Variants in DIO2 observed in about 807,000 individuals in gnomAD.
DIO2 encodes the protein iodothyronine deiodinase 2, also known as type II iodothyronine deiodinase.
In DIO2, 19 loss-of-function variants were observed where a neutral mutation model predicts 21.4. That is an observed-to-expected ratio of 0.89 (90% CI 0.62 to 1.30). The LOEUF is 1.30. Among genes scored for constraint, DIO2 ranks in the 50% most tolerant of loss-of-function variants. The probability of loss-of-function intolerance (pLI) is 0.00; values close to 1 mark genes in which losing one functional copy is unlikely to be tolerated. For synonymous variants in DIO2, 122 were observed against 132.9 expected (o/e 0.92, Z 0.57); for missense variants, 302 against 338.1 (o/e 0.89, Z 0.84).
intron 2 of DIO2, chr14:80,231,036 T>A (rs1888676329): frequency 6.6e-6 from 1 of 152,204 alleles, no homozygotes; most frequent in Admixed American, 6.6e-5. Context: ...AGATGTAGGC[T>A]GGGAGGCTAG....
intron 2 of DIO2, among the ~76,000 whole-genome samples, chr14:80,219,016 T>C (rs1274241500): frequency 6.6e-6 from 1 of 152,140 alleles, no homozygotes; most frequent in African/African-American, 2.4e-5. Flanking sequence ...CTGCCAATAC[T>C]TTGGGTACTA....
intron 1 of DIO2, among the ~76,000 whole-genome samples, chr14:80,204,286 G>A (rs1887865352): frequency 6.6e-6 from 1 of 152,032 alleles, no homozygotes; most frequent in Non-Finnish European, 1.5e-5. Context: ...TTTTCCATGT[G>A]TGCTTGTTTC....
At position 80,202,827 on chromosome 14, in the gene DIO2, T is replaced by G. The variant is rs1360540128; in HGVS notation, c.684A>C (p.Glu228Asp). 1 of 1,613,866 alleles carries G rather than the reference T, an allele frequency of 6.2e-7. No individual in the cohort carries two copies. The highest frequency in any genetic ancestry group is 2.2e-5 in the East Asian group (1 of 44,868). ...TCTGTCTCTGCACAATGCACACACG[T>G]TCAAAGGCTACCCCGTAAGCTATGT... is the stretch of plus-strand genomic sequence containing the variant. ...NANIAYGVAF[E>D]RVCIVQRQKI... Residue 228 changes from glutamate (E) to aspartate (D), a missense_variant, in exon 2 of 2, where the codon GAA becomes GAC. Glu to Asp is a conservative substitution (Grantham distance 45, BLOSUM62 2). Coordinates refer to ENST00000438257, the MANE Select transcript of DIO2 (RefSeq NM_013989.5).
rs1274031068 is a variant in DIO2, at chr14:80,201,162, A to G, written c.*1527T>C. 1 of 150,988 alleles carries G rather than the reference A, an allele frequency of 6.6e-6. No individual in the cohort carries two copies. The highest frequency in any genetic ancestry group is 2.4e-5 in the African/African-American group (1 of 41,266). The allele number at this position is 150,988 out of a possible 1,614,324, so 9.4% of individuals were successfully genotyped here. A position where few individuals can be genotyped will look rare whatever the true frequency, so the allele number is the denominator to read the frequency against. Reference sequence around the variant, plus strand: ...AAAAAGAAAAAAATATTTTATATATATATTTTTTAAAATAGCATTATAATC... The same window carrying G: ...AAAAAGAAAAAAATATTTTATATATGTATTTTTTAAAATAGCATTATAATC... On this transcript the variant is annotated 3_prime_UTR_variant, in exon 2 of 2. Coordinates refer to ENST00000438257, the MANE Select transcript of DIO2 (RefSeq NM_013989.5).
chr14:80,207,520 G>T (rs1293312481), intron 1 of DIO2, among the ~76,000 whole-genome samples: 5 of 152,204 alleles, frequency 3.3e-5, no homozygotes, highest in South Asian at 2.1e-4. Flanking sequence ...AAGGGTGGGT[G>T]TGTGGTAGCA....
rs377114990 is a variant in DIO2 at position 80,206,307 on chromosome 14, T to C, written c.223-3019A>G. On this transcript the variant is annotated intron_variant, in intron 1 of 1. Transcript: ENST00000438257. The stretch of plus-strand genomic sequence containing the variant: ...ATATACTAGTCATAAAATGTGTCCA[T>C]CTTTGCTAAAACCTGATGGAGGACA... The C allele has an allele frequency of 7.6e-5, 120 of 1,569,248 alleles. No homozygotes were observed. In the Middle Eastern group the frequency reaches 9.1e-4, roughly 12 times the overall value.
At chr14:80,222,860 C>CTT (rs200049777) in intron 2 of DIO2, among the ~76,000 whole-genome samples, 20,680 of 138,718 alleles carry the variant, frequency 0.15, 2,008 homozygotes, top group East Asian at 0.3. Flanking sequence ...TTCTTTGTTT[C>CTT]TTTTTTTTTT....
At position 80,198,165 on chromosome 14, in the gene DIO2, G is replaced by A. The variant is rs1024061557; in HGVS notation, c.*4524C>T. The A allele has an allele frequency of 1.3e-5, 2 of 152,620 alleles. No homozygotes were observed. Among genetic ancestry groups the A allele is most frequent in the African/African-American group, 4.8e-5 (2 of 41,422 alleles). 9.5% of individuals were successfully genotyped at this position (152,620 alleles called of 1,614,324 possible). On this transcript the variant is annotated 3_prime_UTR_variant, in exon 2 of 2. Coordinates refer to ENST00000438257, the MANE Select transcript of DIO2 (RefSeq NM_013989.5). ...TTGAGGGGAGGGGGAGAAGTGGAGG[G>A]TTTGAGCCAAAATAGTGACTTCATT...
Position 80,202,677 on chromosome 14 carries a change from A to G in DIO2, c.*12T>C, listed in dbSNP as rs184541438. 4.3e-5 allele frequency: 68 copies of G among 1,598,298 alleles called. 1 individual carries two copies. In the Admixed American group the frequency reaches 9.1e-4, roughly 21 times the overall value. Reference sequence around the variant, plus strand: ...ACTTTTTAAAACAATAAGCTCTCTTATAATCATACCTTTAACCAGCTAATC... The same window carrying G: ...ACTTTTTAAAACAATAAGCTCTCTTGTAATCATACCTTTAACCAGCTAATC... On this transcript the variant is annotated 3_prime_UTR_variant, in exon 2 of 2. Transcript: ENST00000438257.
In DIO2 at chr14:80,202,586, T is replaced by C. The variant is rs1200607106; in HGVS notation, c.*103A>G. On this transcript the variant is annotated 3_prime_UTR_variant, in exon 2 of 2. Transcript: ENST00000438257. ...TTCTTCCGATAGATAAACTCCTGTCTTTCAGTAAGCCAATAGGGCTCTGTT... is the reference window on the plus strand; with the variant it reads ...TTCTTCCGATAGATAAACTCCTGTCCTTCAGTAAGCCAATAGGGCTCTGTT... 6.5e-6 allele frequency: 8 copies of C among 1,225,724 alleles called. No individual in the cohort carries two copies. The East Asian group carries it at 2.0e-4, about 31-fold the overall frequency. The allele number at this position is 1,225,724 out of a possible 1,614,324, so 75.9% of individuals were successfully genotyped here.
At chr14:80,224,705 G>C (rs907828455) in intron 2 of DIO2, among the ~76,000 whole-genome samples, 6 of 152,066 alleles carry the variant, frequency 3.9e-5, no homozygotes, top group Admixed American at 2.6e-4. Context: ...AACTCATACA[G>C]GCTGCAATTT....
rs562293900 is a variant in DIO2 at position 80,205,416 on chromosome 14, T to C, written c.223-2128A>G. The stretch of plus-strand genomic sequence containing the variant: ...AACCTGTACACTTGTAGGTTCTTGA[T>C]AGGTAAAAACATTCATCTGCATTTT... On this transcript the variant is annotated intron_variant, in intron 1 of 1. Coordinates refer to ENST00000438257, the MANE Select transcript of DIO2 (RefSeq NM_013989.5). Among the ~76,000 whole-genome samples, 5 of 152,326 alleles carry C rather than the reference T, an allele frequency of 3.3e-5. No individual in the cohort carries two copies. The South Asian group carries it at 1.0e-3, about 32-fold the overall frequency.
upstream of DIO2, chr14:80,212,300 C>T (rs535221639): frequency 1.3e-5 from 2 of 151,562 alleles, no homozygotes; most frequent in South Asian, 4.2e-4. Flanking sequence ...TTACTTTGGC[C>T]AGGATTGCAG....
At chr14:80,226,909 G>A (rs1378717653) in intron 2 of DIO2, among the ~76,000 whole-genome samples, 4 of 152,142 alleles carry the variant, frequency 2.6e-5, no homozygotes, top group Non-Finnish European at 5.9e-5. Flanking sequence ...ATCCACATAC[G>A]TCTTCCCCAC....
Position 80,201,592 on chromosome 14 carries a change from A to C in DIO2, c.*1097T>G, listed in dbSNP as rs1049603880. 2.0e-5 allele frequency: 3 copies of C among 152,258 alleles called. No homozygotes were observed. Among genetic ancestry groups the C allele is most frequent in the African/African-American group, 7.2e-5 (3 of 41,448 alleles). The allele number at this position is 152,258 out of a possible 1,614,324, so 9.4% of individuals were successfully genotyped here. ...ACCAAGATTAGGAATGACTTGGGCCACATAGAAATTGTAGGAATGGGGAGG... is the reference window on the plus strand; with the variant it reads ...ACCAAGATTAGGAATGACTTGGGCCCCATAGAAATTGTAGGAATGGGGAGG... On this transcript the variant is annotated 3_prime_UTR_variant, in exon 2 of 2. Coordinates refer to ENST00000438257, the MANE Select transcript of DIO2 (RefSeq NM_013989.5).
chr14:80,217,713 T>G (rs575913446), intron 2 of DIO2, among the ~76,000 whole-genome samples: 1 of 152,230 alleles, frequency 6.6e-6, no homozygotes, highest in Non-Finnish European at 1.5e-5. Context: ...TTCTGTCATG[T>G]TTTAAAGATT....
chr14:80,218,456 G>T (rs868330097), intron 2 of DIO2, among the ~76,000 whole-genome samples: 1 of 152,070 alleles, frequency 6.6e-6, no homozygotes, highest in African/African-American at 2.4e-5. Context: ...CGGAGCCCTC[G>T]AGAGAGGTAT....
At chr14:80,223,501 GTAATT>G (rs1243800727) in intron 2 of DIO2, among the ~76,000 whole-genome samples, 1 of 152,172 alleles carries the variant, frequency 6.6e-6, no homozygotes, top group Non-Finnish European at 1.5e-5. Context: ...GAAGAAAGGG[GTAATT>G]TAAAGTTTTA....
intron 2 of DIO2, among the ~76,000 whole-genome samples, chr14:80,220,635 A>T (rs1203353255): frequency 6.6e-6 from 1 of 152,342 alleles, no homozygotes; most frequent in East Asian, 1.9e-4. Context: ...TATAATAACT[A>T]ATATTAATGC....
Sources: allele counts gnomAD v4.1 joint callset (sites outside exome capture counted in the v4.1 genomes callset), GRCh38; gene constraint gnomAD v4.1.1; transcripts MANE v1.5; gene names NCBI Gene and HGNC (gene_info 2026-07-23, HGNC 2026-07-21).